TCF4: variants seen among roughly 807,000 people sequenced by gnomAD.
TCF4 encodes the protein SL3-3 enhancer factor 2.
In TCF4, 3 loss-of-function variants were observed where a neutral mutation model predicts 82.1. The observed-to-expected ratio is 0.04, with a 90% CI of 0.02 to 0.09. The LOEUF is 0.09. Among genes scored for constraint, TCF4 ranks in the 10% least tolerant of loss-of-function variants. The pLI is 1.00. For missense variants in TCF4, 518 were observed against 852.7 expected (o/e 0.61, Z 4.89); for synonymous variants, 276 against 309.6 (o/e 0.89, Z 1.14).
intron 3 of TCF4, among the ~76,000 whole-genome samples, chr18:55,532,967 A>T (rs950221375): frequency 7.2e-5 from 11 of 152,166 alleles, no homozygotes; most frequent in Non-Finnish European, 1.6e-4. Flanking sequence ...ACATGGAAAA[A>T]AACAAAAAAT....
intron 3 of TCF4, among the ~76,000 whole-genome samples, chr18:55,464,865 GAA>G (rs2095974785): frequency 6.6e-6 from 1 of 152,108 alleles, no homozygotes; most frequent in African/African-American, 2.4e-5. Context: ...ATGAACCATC[GAA>G]AAGTTGGAAT....
chr18:55,344,053 C>T (rs753612571), intron 8 of TCF4, among the ~76,000 whole-genome samples: 10 of 152,174 alleles, frequency 6.6e-5, no homozygotes, highest in Non-Finnish European at 1.3e-4. Flanking sequence ...TAAGAAAATA[C>T]AACTTTGACA....
At chr18:55,413,750 A>G (rs1199297785) in intron 5 of TCF4, among the ~76,000 whole-genome samples, 1 of 152,246 alleles carries the variant, frequency 6.6e-6, no homozygotes, top group Admixed American at 6.5e-5. Context: ...GACAAGGAGT[A>G]GCCAGAAGAA....
intron 2 of TCF4, chr18:55,596,353 A>G (rs1041850096): frequency 8.2e-6 from 2 of 243,182 alleles, no homozygotes; most frequent in Non-Finnish European, 1.7e-5. Flanking sequence ...TGCCATATGC[A>G]GCTGTGTAAC....
At chr18:55,597,652 G>A (rs1167943083) in intron 2 of TCF4, among the ~76,000 whole-genome samples, 2 of 151,004 alleles carry the variant, frequency 1.3e-5, no homozygotes, top group Middle Eastern at 3.2e-3. Context: ...GGGTGACAAA[G>A]CAAGACTCTG....
intron 15 of TCF4, among the ~76,000 whole-genome samples, chr18:55,253,407 G>C (rs1353244559): frequency 6.6e-6 from 1 of 152,132 alleles, no homozygotes; most frequent in Non-Finnish European, 1.5e-5. Flanking sequence ...AAGGTGCTTA[G>C]AGACGAGGTA....
chr18:55,411,929 T>C (rs978045270), intron 5 of TCF4, among the ~76,000 whole-genome samples: 3 of 151,952 alleles, frequency 2.0e-5, no homozygotes, highest in Admixed American at 6.6e-5. Flanking sequence ...TTAGTAGAGA[T>C]GGGGTTTCAC....
intron 2 of TCF4, among the ~76,000 whole-genome samples, chr18:55,614,393 T>C (rs2097709906): frequency 6.6e-6 from 1 of 152,166 alleles, no homozygotes; most frequent in African/African-American, 2.4e-5. Context: ...ATAAGTAGTG[T>C]GTAGTGTGTA....
At chr18:55,388,851 C>A (rs2092822183) in intron 6 of TCF4, among the ~76,000 whole-genome samples, 1 of 152,160 alleles carries the variant, frequency 6.6e-6, no homozygotes, top group African/African-American at 2.4e-5. Flanking sequence ...CGGCTGGGCA[C>A]AGTGGCTCAC....
At chr18:55,461,509 C>T (rs890253609) in intron 4 of TCF4, among the ~76,000 whole-genome samples, 2 of 152,134 alleles carry the variant, frequency 1.3e-5, no homozygotes, top group Non-Finnish European at 2.9e-5. Context: ...TTAGGCATAG[C>T]ATGCAATGAA....
chr18:55,627,204 G>T (rs909733879), intron 2 of TCF4, among the ~76,000 whole-genome samples: 13 of 152,146 alleles, frequency 8.5e-5, no homozygotes, highest in Non-Finnish European at 1.5e-5. Context: ...GCTGCTGAAG[G>T]CTGTGTGTTC....
chr18:55,483,262 T>C (rs1171757285), intron 3 of TCF4, among the ~76,000 whole-genome samples: 1 of 152,214 alleles, frequency 6.6e-6, no homozygotes, highest in Non-Finnish European at 1.5e-5. Flanking sequence ...CCTAACATGA[T>C]GAAAATGTAT....
intron 5 of TCF4, among the ~76,000 whole-genome samples, chr18:55,407,817 A>C (rs551969763): frequency 6.6e-6 from 1 of 152,308 alleles, no homozygotes; most frequent in South Asian, 2.1e-4. Context: ...ATTATCAGCC[A>C]TTTGACTTCC....
intron 6 of TCF4, among the ~76,000 whole-genome samples, chr18:55,390,452 A>C (rs754769364): frequency 6.6e-5 from 10 of 151,748 alleles, no homozygotes; most frequent in Non-Finnish European, 1.5e-4. Context: ...TGAACACAGA[A>C]AGTCAGAGTT....
At chr18:55,512,454 T>C (rs2096838025) in intron 3 of TCF4, among the ~76,000 whole-genome samples, 1 of 152,114 alleles carries the variant, frequency 6.6e-6, no homozygotes, top group African/African-American at 2.4e-5. Context: ...AATCAAAATA[T>C]TAACATTGGC....
chr18:55,622,565 A>G (rs993847902), intron 2 of TCF4, among the ~76,000 whole-genome samples: 1 of 151,826 alleles, frequency 6.6e-6, no homozygotes, highest in Non-Finnish European at 1.5e-5. Flanking sequence ...GTGATATTCT[A>G]ATTGTAGGCA....
intron 8 of TCF4, among the ~76,000 whole-genome samples, chr18:55,348,636 C>CTTAA (rs1290895048): frequency 6.6e-6 from 1 of 152,140 alleles, no homozygotes; most frequent in Admixed American, 6.6e-5. Context: ...TAGGGAAATA[C>CTTAA]TTAAACATTT....
intron 5 of TCF4, among the ~76,000 whole-genome samples, chr18:55,449,786 T>TC (rs2095590015): frequency 1.3e-5 from 2 of 152,180 alleles, no homozygotes; most frequent in Admixed American, 1.3e-4. Context: ...TTTTTCTGTC[T>TC]CCCCCTTCTC....
At chr18:55,230,634 T>G (rs575937451) in intron 17 of TCF4, 1 of 152,300 alleles carries the variant, frequency 6.6e-6, no homozygotes, top group African/African-American at 2.4e-5. Context: ...ACATTGGAAA[T>G]GTTCACAGAA....
Sources: allele counts gnomAD v4.1 joint callset (sites outside exome capture counted in the v4.1 genomes callset), GRCh38; gene constraint gnomAD v4.1.1; transcripts MANE v1.5; gene names NCBI Gene and HGNC (gene_info 2026-07-23, HGNC 2026-07-21).